The following LHFPL2 variants were observed in gnomAD, a reference collection of about 807,000 sequenced individuals.
The protein encoded by LHFPL2 is LHFPL tetraspan subfamily member 2.
LHFPL2 carries 7 observed loss-of-function variants against 17.5 expected under a neutral mutation model. The observed-to-expected ratio is 0.40, with a 90% confidence interval of 0.23 to 0.75. The LOEUF is 0.75. Ranked by LOEUF, LHFPL2 falls within the 30% of genes least tolerant of loss-of-function variation. The pLI is 0.37. For missense variants in LHFPL2, 241 were observed against 294.8 expected (o/e 0.82, Z 1.34); for synonymous variants, 134 against 116.2 (o/e 1.15, Z -0.99).
At chr5:78,637,546 T>A (rs1745498309) in intron 1 of LHFPL2, among the ~76,000 whole-genome samples, 1 of 152,196 alleles carries the variant, frequency 6.6e-6, no homozygotes, top group South Asian at 2.1e-4. Context: ...GGGCTCGCAG[T>A]CTCATCCTGA....
intron 4 of LHFPL2, among the ~76,000 whole-genome samples, chr5:78,499,810 A>ACT (rs939411650): frequency 1.3e-5 from 2 of 152,044 alleles, no homozygotes; most frequent in African/African-American, 4.8e-5. Context: ...TTCCATCTCC[A>ACT]CTCTCTTCCA....
chr5:78,644,329 CA>C, intron 1 of LHFPL2: 3 of 1,230,420 alleles, frequency 2.4e-6, no homozygotes, highest in Non-Finnish European at 3.5e-6. Flanking sequence ...TCAGCCTTGA[CA>C]ACTCACTTTT....
At chr5:78,490,526 G>A (rs897069538) in intron 4 of LHFPL2, among the ~76,000 whole-genome samples, 1 of 152,166 alleles carries the variant, frequency 6.6e-6, no homozygotes, top group Non-Finnish European at 1.5e-5. Flanking sequence ...GCTGAGGTGG[G>A]TGGATCACGA....
At chr5:78,490,705 G>A (rs1754410916) in intron 4 of LHFPL2, among the ~76,000 whole-genome samples, 1 of 135,624 alleles carries the variant, frequency 7.4e-6, no homozygotes, top group South Asian at 2.3e-4. Flanking sequence ...CCAAGATTGG[G>A]CCACTGCACT....
chr5:78,608,668 C>T (rs1744309268), intron 2 of LHFPL2, among the ~76,000 whole-genome samples: 1 of 151,742 alleles, frequency 6.6e-6, no homozygotes, highest in Non-Finnish European at 1.5e-5. Flanking sequence ...CACGGTGGCT[C>T]ACGCCTGTAA....
chr5:78,549,700 A>C (rs1010946231), intron 3 of LHFPL2, among the ~76,000 whole-genome samples: 6 of 152,238 alleles, frequency 3.9e-5, no homozygotes, highest in African/African-American at 1.4e-4. Flanking sequence ...CGATTTTGGA[A>C]AGTCTGGTCA....
chr5:78,622,056 C>T (rs1359245076), intron 2 of LHFPL2, among the ~76,000 whole-genome samples: 1 of 152,146 alleles, frequency 6.6e-6, no homozygotes, highest in South Asian at 2.1e-4. Flanking sequence ...AAAATACACA[C>T]TCTAGAAGTC....
chr5:78,644,609 G>A (rs1315106560), intron 1 of LHFPL2: 3 of 429,750 alleles, frequency 7.0e-6, no homozygotes, highest in Non-Finnish European at 1.3e-5. Context: ...TCCCATTTAG[G>A]AAGGACATAG....
chr5:78,621,914 C>T (rs924314842), intron 2 of LHFPL2, among the ~76,000 whole-genome samples: 2 of 152,094 alleles, frequency 1.3e-5, no homozygotes, highest in Non-Finnish European at 2.9e-5. Flanking sequence ...ATCTAACTGC[C>T]CCACAAAGCA....
chr5:78,638,844 G>A (rs954774032), intron 1 of LHFPL2, among the ~76,000 whole-genome samples: 14 of 152,322 alleles, frequency 9.2e-5, no homozygotes, highest in African/African-American at 3.4e-4. Context: ...GGCCAAACAT[G>A]CCAGAACTGA....
chr5:78,605,158 A>G (rs1042589168), intron 2 of LHFPL2, among the ~76,000 whole-genome samples: 2 of 152,240 alleles, frequency 1.3e-5, no homozygotes, highest in African/African-American at 4.8e-5. Flanking sequence ...AGCCAAGTGC[A>G]GAAGCCATGG....
chr5:78,495,992 C>T (rs1441364961), intron 4 of LHFPL2, among the ~76,000 whole-genome samples: 2 of 152,212 alleles, frequency 1.3e-5, no homozygotes, highest in Non-Finnish European at 2.9e-5. Flanking sequence ...TGGGCATTCT[C>T]TCCCTCATTC....
chr5:78,564,657 G>C (rs1040158583), intron 3 of LHFPL2, among the ~76,000 whole-genome samples, 156 bp downstream of exon 3: 4 of 152,182 alleles, frequency 2.6e-5, no homozygotes, highest in Non-Finnish European at 5.9e-5. Flanking sequence ...TATGTATGCT[G>C]ATCCAAGTGA....
At chr5:78,636,421 G>A (rs909476001) in intron 1 of LHFPL2, among the ~76,000 whole-genome samples, 8 of 152,256 alleles carry the variant, frequency 5.3e-5, no homozygotes, top group Non-Finnish European at 1.0e-4. Flanking sequence ...CCCCCACACT[G>A]ACCATTTCCT....
At chr5:78,535,855 C>T (rs947638945) in intron 3 of LHFPL2, among the ~76,000 whole-genome samples, 10 of 152,192 alleles carry the variant, frequency 6.6e-5, no homozygotes, top group African/African-American at 2.2e-4. Flanking sequence ...GACACGAACT[C>T]ATAACAATCT....
rs115600860 is a variant in LHFPL2 at position 78,559,768 on chromosome 5, C to T, written c.-186+5045G>A. 7.3e-3 allele frequency among the ~76,000 whole-genome samples: 1,109 copies of T among 152,216 alleles called. 11 individuals are homozygous for T. Among genetic ancestry groups the T allele is most frequent in the African/African-American group, 0.026 (1,063 of 41,526 alleles). On this transcript the variant is annotated intron_variant, in intron 3 of 4. Transcript: ENST00000380345. ...CTATACCTATTGACTGCTTCCAAAT[C>T]GATGGTATAAATGTATCCTATACTC...
At chr5:78,580,232 A>G (rs536626491) in intron 2 of LHFPL2, among the ~76,000 whole-genome samples, 2 of 152,114 alleles carry the variant, frequency 1.3e-5, no homozygotes, top group East Asian at 3.9e-4. Flanking sequence ...TTCATTGTAG[A>G]TTTTGGATAT....
chr5:78,617,876 G>GAATAA lies in LHFPL2; in HGVS notation c.-245+14387_-245+14388insTTATT, dbSNP rs1744675186. 5.3e-5 allele frequency among the ~76,000 whole-genome samples: 8 copies of GAATAA among 150,674 alleles called. 1 individual carries two copies. Among genetic ancestry groups the GAATAA allele is most frequent in the African/African-American group, 1.7e-4 (7 of 40,622 alleles). On this transcript the variant is annotated intron_variant, in intron 2 of 4. Coordinates refer to ENST00000380345, the MANE Select transcript of LHFPL2 (RefSeq NM_005779.3). ...AGAGGCATTAAAGTCTGCAGAGTGGGGCAAAACTTATTCCCAGGCATCATG... is the reference window on the plus strand; with the variant it reads ...AGAGGCATTAAAGTCTGCAGAGTGGGAATAAGCAAAACTTATTCCCAGGCATCATG...
At chr5:78,498,732 G>A (rs1754683522) in intron 4 of LHFPL2, among the ~76,000 whole-genome samples, 1 of 152,152 alleles carries the variant, frequency 6.6e-6, no homozygotes, top group Non-Finnish European at 1.5e-5. Flanking sequence ...ACCAAGACAA[G>A]AGACACCCTA....
Sources: allele counts gnomAD v4.1 joint callset (sites outside exome capture counted in the v4.1 genomes callset), GRCh38; gene constraint gnomAD v4.1.1; transcripts MANE v1.5; gene names NCBI Gene and HGNC (gene_info 2026-07-23, HGNC 2026-07-21).